Variants in SLC24A2 observed in about 807,000 individuals in gnomAD.
The protein encoded by SLC24A2 is solute carrier family 24 member 2.
SLC24A2 carries 36 observed loss-of-function variants against 62.0 expected under a neutral mutation model. That is an observed-to-expected ratio of 0.58 (90% confidence interval 0.44 to 0.77). The LOEUF (loss-of-function observed/expected upper bound fraction) is 0.77. SLC24A2 is among the 30% of genes least tolerant of loss of function. The probability of loss-of-function intolerance (pLI) is 0.00; values close to 1 mark genes in which losing one functional copy is unlikely to be tolerated. For synonymous variants in SLC24A2, 358 were observed against 294.0 expected (o/e 1.22, Z -2.23); for missense variants, 846 against 817.9 (o/e 1.03, Z -0.42).
the SLC24A2 span, among the ~76,000 whole-genome samples, chr9:20,281,181 C>T: frequency 4.6e-4 from 70 of 152,200 alleles, no homozygotes; most frequent in Non-Finnish European, 8.2e-4. Context: ...CCTCCAGCCT[C>T]AGCCTCCCAA....
the SLC24A2 span, among the ~76,000 whole-genome samples, chr9:20,090,328 T>G: frequency 6.6e-6 from 1 of 152,088 alleles, no homozygotes. Flanking sequence ...TGCTTCCAAG[T>G]TGGGGAGGGC....
chr9:19,789,027 G>A lies in SLC24A2; in HGVS notation c.-296C>T, dbSNP rs1823266303. The stretch of plus-strand genomic sequence containing the variant: ...CGCTCTCGCCAGCCGGGCTGGGTTC[G>A]GGAGGAGACTGAGCCGCTGTGAGCC... On this transcript the variant is annotated 5_prime_UTR_variant, in exon 1 of 11. Transcript: ENST00000341998. The A allele has an allele frequency of 2.3e-6, 2 of 862,772 alleles. No homozygotes were observed. Among genetic ancestry groups the A allele is most frequent in the Non-Finnish European group, 2.8e-6 (2 of 718,134 alleles). The allele number at this position is 862,772 out of a possible 1,614,324, so 53.4% of individuals were successfully genotyped here. A position where few individuals can be genotyped will look rare whatever the true frequency, so the allele number is the denominator to read the frequency against.
the SLC24A2 span, among the ~76,000 whole-genome samples, chr9:19,850,963 A>ATATG: frequency 5.2e-4 from 12 of 23,000 alleles, no homozygotes; most frequent in East Asian, 2.8e-3. Flanking sequence ...ATATATATAT[A>ATATG]TATGTATATA....
intron 2 of SLC24A2, among the ~76,000 whole-genome samples, chr9:19,722,748 A>G (rs1356007334): frequency 6.6e-6 from 1 of 152,092 alleles, no homozygotes; most frequent in Non-Finnish European, 1.5e-5. Context: ...CAGTGTCAGC[A>G]TCATATGACA....
chr9:19,764,435 A>G lies in SLC24A2; in HGVS notation c.930+21502T>C, dbSNP rs999200001. Among the ~76,000 whole-genome samples, 4 of 152,170 alleles carry G rather than the reference A, an allele frequency of 2.6e-5. No individual in the cohort carries two copies. The South Asian group carries it at 8.3e-4, about 32-fold the overall frequency. ...ATCTTTCCCACTTTCTCCTGTGGGCATTTAGTGCTGTGAATTTCCCTCTAA... is the reference window on the plus strand; with the variant it reads ...ATCTTTCCCACTTTCTCCTGTGGGCGTTTAGTGCTGTGAATTTCCCTCTAA... On this transcript the variant is annotated intron_variant, in intron 2 of 10. Transcript: ENST00000341998.
the SLC24A2 span, among the ~76,000 whole-genome samples, chr9:20,005,319 AT>A: frequency 3.3e-5 from 5 of 152,280 alleles, no homozygotes; most frequent in Admixed American, 3.3e-4. Flanking sequence ...CCTCCTGGCA[AT>A]CCTAAAAGTG....
intron 2 of SLC24A2, among the ~76,000 whole-genome samples, chr9:19,685,303 A>T (rs1379930998): frequency 1.3e-5 from 2 of 152,288 alleles, no homozygotes; most frequent in East Asian, 3.9e-4. Flanking sequence ...CATTGATTGG[A>T]AGAATCAATA....
the SLC24A2 span, among the ~76,000 whole-genome samples, chr9:20,015,333 T>C: frequency 1.3e-5 from 2 of 152,316 alleles, no homozygotes; most frequent in South Asian, 4.1e-4. Context: ...GGTAGCCTTG[T>C]AGATGCAGGT....
the SLC24A2 span, among the ~76,000 whole-genome samples, chr9:20,123,973 C>T: frequency 1.3e-5 from 2 of 152,134 alleles, no homozygotes; most frequent in Non-Finnish European, 2.9e-5. Context: ...TTGGCTTCTT[C>T]CCTATTCCTG....
chr9:19,690,505 A>G (rs972077648), intron 2 of SLC24A2, among the ~76,000 whole-genome samples: 4 of 152,122 alleles, frequency 2.6e-5, no homozygotes, highest in Non-Finnish European at 5.9e-5. Flanking sequence ...GATGTAAGCT[A>G]AGATCTACTG....
At chr9:20,006,900 C>T in the SLC24A2 span, among the ~76,000 whole-genome samples, 1 of 152,252 alleles carries the variant, frequency 6.6e-6, no homozygotes, top group African/African-American at 2.4e-5. Context: ...ACAGTGCTTG[C>T]CTTCCTAAAA....
chr9:19,711,103 G>C (rs995504955), intron 2 of SLC24A2, among the ~76,000 whole-genome samples: 4 of 152,166 alleles, frequency 2.6e-5, no homozygotes, highest in South Asian at 2.1e-4. Flanking sequence ...AGTAAGGTCT[G>C]GGAATTCTTG....
At chr9:20,261,614 G>A in the SLC24A2 span, among the ~76,000 whole-genome samples, 1 of 151,940 alleles carries the variant, frequency 6.6e-6, no homozygotes, top group Non-Finnish European at 1.5e-5. Flanking sequence ...TGAATTTTGG[G>A]GGATGCATTT....
At chr9:20,172,425 A>C in the SLC24A2 span, among the ~76,000 whole-genome samples, 1 of 152,100 alleles carries the variant, frequency 6.6e-6, no homozygotes, top group Non-Finnish European at 1.5e-5. Context: ...GTTCTTTGAA[A>C]AGATAGATAA....
chr9:19,564,448 A>G (rs1005078205), intron 7 of SLC24A2, among the ~76,000 whole-genome samples: 1 of 152,240 alleles, frequency 6.6e-6, no homozygotes, highest in East Asian at 1.9e-4. Flanking sequence ...ATGGCAAGGT[A>G]ATATTTGAAT....
the SLC24A2 span, among the ~76,000 whole-genome samples, chr9:20,263,863 C>G: frequency 1.7e-5 from 1 of 57,350 alleles, no homozygotes; most frequent in African/African-American, 8.5e-5. Flanking sequence ...TCCCACCCGC[C>G]CCCCCCCCCC....
rs1458567880 is a variant in SLC24A2, at chr9:19,605,134, A to G, written c.1079-7855T>C. Among the ~76,000 whole-genome samples the G allele has an allele frequency of 2.0e-5, 3 of 152,362 alleles. No individual in the cohort carries two copies. The East Asian group carries it at 5.8e-4, about 29-fold the overall frequency. ...AATAGCAAATGCCTGCCAGTAAACCAGAGATCTGGTTACGCAGGAGGAGCT... is the reference window on the plus strand; with the variant it reads ...AATAGCAAATGCCTGCCAGTAAACCGGAGATCTGGTTACGCAGGAGGAGCT... On this transcript the variant is annotated intron_variant, in intron 4 of 10. Coordinates refer to ENST00000341998, the MANE Select transcript of SLC24A2 (RefSeq NM_020344.4).
chr9:20,114,661 T>C, the SLC24A2 span, among the ~76,000 whole-genome samples: 1 of 152,166 alleles, frequency 6.6e-6, no homozygotes, highest in Non-Finnish European at 1.5e-5. Flanking sequence ...ATAAATATAA[T>C]GAGTATCTAC....
At chr9:20,238,080 C>T in the SLC24A2 span, among the ~76,000 whole-genome samples, 2 of 152,196 alleles carry the variant, frequency 1.3e-5, no homozygotes, top group Non-Finnish European at 2.9e-5. Flanking sequence ...TGGAAACTGA[C>T]ATGTGGGTGG....
Sources: gnomAD v4.1 joint callset for allele counts (sites outside exome capture counted in the v4.1 genomes callset) on GRCh38, gnomAD v4.1.1 for gene constraint, MANE v1.5 for transcripts, NCBI Gene and HGNC (gene_info 2026-07-23, HGNC 2026-07-21) for gene names.